Variants in NLK observed in about 807,000 individuals in gnomAD.
The protein encoded by NLK is nemo like kinase, also known as serine/threonine-protein kinase NLK.
Under a neutral mutation model 59.0 loss-of-function variants are expected in NLK, and 11 were observed. The ratio of observed to expected loss-of-function variants is 0.19; its 90% CI spans 0.12 to 0.31. NLK has a LOEUF of 0.31. Among genes scored for constraint, NLK ranks in the 10% least tolerant of loss-of-function variants. NLK has a pLI of 1.00. For synonymous variants in NLK, 235 were observed against 235.9 expected, an observed-to-expected ratio of 1.00 and a Z score of 0.03; for missense variants, 410 against 661.1, an observed-to-expected ratio of 0.62 and a Z score of 4.16.
chr17:28,191,350 G>A (rs1909299396), intron 9 of NLK, 131 bp downstream of exon 9: 2 of 622,642 alleles, frequency 3.2e-6, no homozygotes, highest in Admixed American at 6.9e-5. Flanking sequence ...CTTGCGTATA[G>A]CTGTGTGTCC....
intron 7 of NLK, among the ~76,000 whole-genome samples, chr17:28,182,979 A>G (rs1324624898): frequency 1.3e-5 from 2 of 152,236 alleles, no homozygotes; most frequent in Non-Finnish European, 2.9e-5. Flanking sequence ...CCCAGGAACT[A>G]TGAAAGGCTG....
At chr17:28,102,434 A>C (rs1003636990) in intron 1 of NLK, among the ~76,000 whole-genome samples, 2 of 152,038 alleles carry the variant, frequency 1.3e-5, no homozygotes, top group Non-Finnish European at 2.9e-5. Context: ...GTGGATCATG[A>C]GGTCAGGAGA....
chr17:28,118,827 C>T (rs909219927), intron 1 of NLK, among the ~76,000 whole-genome samples: 3 of 152,212 alleles, frequency 2.0e-5, no homozygotes. Flanking sequence ...TTCTTTCTCA[C>T]GACTCTTAAA....
chr17:28,128,942 G>T (rs920149264), intron 2 of NLK, among the ~76,000 whole-genome samples: 6 of 152,158 alleles, frequency 3.9e-5, no homozygotes, highest in Non-Finnish European at 4.4e-5. Flanking sequence ...TTGTGATATA[G>T]TCCAGTTCAA....
intron 1 of NLK, among the ~76,000 whole-genome samples, chr17:28,102,839 A>G: frequency 6.6e-6 from 1 of 152,166 alleles, no homozygotes; most frequent in East Asian, 1.9e-4. Context: ...CCCATGGGAC[A>G]GAAGTTTACT....
intron 1 of NLK, among the ~76,000 whole-genome samples, chr17:28,071,376 G>A (rs752825842): frequency 2.0e-5 from 3 of 151,570 alleles, no homozygotes; most frequent in Non-Finnish European, 4.4e-5. Flanking sequence ...AGATCAAATA[G>A]AAGAGAATTT....
intron 8 of NLK, among the ~76,000 whole-genome samples, chr17:28,186,525 C>G (rs1429966967): frequency 6.6e-6 from 1 of 152,036 alleles, no homozygotes. Flanking sequence ...GGGCAATTTA[C>G]AAAAGAAAGA....
intron 5 of NLK, among the ~76,000 whole-genome samples, chr17:28,165,094 T>G (rs1350627337): frequency 1.3e-5 from 2 of 152,212 alleles, no homozygotes; most frequent in African/African-American, 2.4e-5. Context: ...GTATTCCTTC[T>G]ATAGGTTATT....
intron 1 of NLK, among the ~76,000 whole-genome samples, chr17:28,057,937 A>G (rs1909497396): frequency 1.3e-5 from 2 of 152,208 alleles, no homozygotes; most frequent in Admixed American, 1.3e-4. Flanking sequence ...TCACTGTGTC[A>G]ACTGTATGTG....
At chr17:28,182,499 G>A (rs1305646867) in intron 7 of NLK, among the ~76,000 whole-genome samples, 2 of 152,198 alleles carry the variant, frequency 1.3e-5, no homozygotes, top group Non-Finnish European at 2.9e-5. Flanking sequence ...TGGCCTTCCA[G>A]TGCTGAAATG....
downstream of NLK, among the ~76,000 whole-genome samples, chr17:28,200,365 T>C (rs1642764554): frequency 6.6e-6 from 1 of 152,246 alleles, no homozygotes; most frequent in South Asian, 2.1e-4. Flanking sequence ...GTTCTCTTTT[T>C]GTATATGAAT....
At chr17:28,152,020 TTGCTC>T (rs1907501032) in intron 3 of NLK, among the ~76,000 whole-genome samples, 1 of 152,248 alleles carries the variant, frequency 6.6e-6, no homozygotes, top group African/African-American at 2.4e-5. Context: ...TGGTAATACT[TTGCTC>T]TGTGTTAGTT....
At position 28,093,104 on chromosome 17, in the gene NLK, T is replaced by C. The variant is rs971744371; in HGVS notation, c.459-29499T>C. ...CACCGCACCCGGCCTAGTGGCTTGT[T>C]TTTTTGTTATATTTTTAAAGTTTTC... On this transcript the variant is annotated intron_variant, in intron 1 of 10. Transcript: ENST00000407008. Among the ~76,000 whole-genome samples the C allele has an allele frequency of 4.1e-4, 62 of 152,244 alleles. 1 individual carries two copies. The highest frequency in any genetic ancestry group is 1.4e-3 in the African/African-American group (59 of 41,536).
At chr17:28,152,082 C>A (rs1907503473) in intron 3 of NLK, among the ~76,000 whole-genome samples, 1 of 152,170 alleles carries the variant, frequency 6.6e-6, no homozygotes, top group Non-Finnish European at 1.5e-5. Flanking sequence ...TTCAGTTTGT[C>A]CATTCAAATC....
chr17:28,149,089 G>T (rs530308567), intron 3 of NLK, among the ~76,000 whole-genome samples: 1 of 152,220 alleles, frequency 6.6e-6, no homozygotes, highest in East Asian at 1.9e-4. Flanking sequence ...TTGAGACAGG[G>T]TCTTGCTCTG....
Sources: allele counts gnomAD v4.1 joint callset (sites outside exome capture counted in the v4.1 genomes callset), GRCh38; gene constraint gnomAD v4.1.1; transcripts MANE v1.5; gene names NCBI Gene and HGNC (gene_info 2026-07-23, HGNC 2026-07-21).